The following STK32C variants were observed in gnomAD, a reference collection of about 807,000 sequenced individuals.
STK32C encodes serine/threonine kinase 32C.
A neutral mutation model predicts 56.5 loss-of-function variants in STK32C; 31 were observed. The ratio of observed to expected loss-of-function variants is 0.55; its 90% CI spans 0.41 to 0.74. The LOEUF (loss-of-function observed/expected upper bound fraction) is 0.74, where lower values mean the gene tolerates loss of function less well. STK32C is among the 30% of genes least tolerant of loss of function. The pLI, the probability that STK32C is intolerant of heterozygous loss-of-function variation, is 0.00. For missense variants in STK32C, 544 were observed against 676.9 expected, an observed-to-expected ratio of 0.80 and a Z score of 2.18; for synonymous variants, 309 against 289.4, an observed-to-expected ratio of 1.07 and a Z score of -0.69.
intron 10 of STK32C, among the ~76,000 whole-genome samples, chr10:132,210,091 C>A (rs1270185208): frequency 6.6e-6 from 1 of 152,172 alleles, no homozygotes; most frequent in Non-Finnish European, 1.5e-5. Context: ...ACGGGACCAC[C>A]CCCCCATGCG....
At chr10:132,270,982 G>A (rs2064798995) in intron 1 of STK32C, among the ~76,000 whole-genome samples, 1 of 152,188 alleles carries the variant, frequency 6.6e-6, no homozygotes, top group Admixed American at 6.5e-5. Context: ...ACCAATCAGA[G>A]GGGGTGATCT....
intron 1 of STK32C, among the ~76,000 whole-genome samples, chr10:132,249,334 A>T (rs1205307269): frequency 6.6e-6 from 1 of 152,138 alleles, no homozygotes; most frequent in African/African-American, 2.4e-5. Context: ...CAAGGAGGGC[A>T]GCCACAGGGA....
intron 1 of STK32C, among the ~76,000 whole-genome samples, chr10:132,275,551 G>A (rs979248418): frequency 2.6e-5 from 4 of 152,176 alleles, no homozygotes; most frequent in African/African-American, 7.2e-5. Flanking sequence ...CTCAGTGCCC[G>A]CTCTTCCTTC....
At chr10:132,305,701 A>C (rs942235577) in intron 1 of STK32C, among the ~76,000 whole-genome samples, 2 of 152,262 alleles carry the variant, frequency 1.3e-5, no homozygotes, top group African/African-American at 4.8e-5. Context: ...TCAGAGGTGC[A>C]GAACATTCTT....
At chr10:132,228,264 T>A in intron 2 of STK32C, 136 bp from the exon 3 acceptor site, 2 of 1,071,886 alleles carry the variant, frequency 1.9e-6, no homozygotes, top group East Asian at 2.4e-5. Context: ...CCGCAGCCCC[T>A]CTGCCTCCTA....
intron 1 of STK32C, among the ~76,000 whole-genome samples, chr10:132,328,160 C>T (rs1320177581): frequency 6.6e-6 from 1 of 152,130 alleles, no homozygotes; most frequent in Non-Finnish European, 1.5e-5. Context: ...TATTATTACT[C>T]AGTCAGTCTC....
chr10:132,272,566 C>G (rs1173332575), intron 1 of STK32C, among the ~76,000 whole-genome samples: 4 of 152,200 alleles, frequency 2.6e-5, no homozygotes, highest in Non-Finnish European at 5.9e-5. Flanking sequence ...CACCCCAGCC[C>G]GTCTGTCGGG....
chr10:132,225,171 A>G, intron 7 of STK32C, 62 bp downstream of exon 7: 1 of 1,390,234 alleles, frequency 7.2e-7, no homozygotes, highest in Non-Finnish European at 9.8e-7. Flanking sequence ...CCTCCCCAGC[A>G]CTGGTGGGGG....
chr10:132,228,174 G>A (rs1361382741), intron 2 of STK32C, 46 bp from the exon 3 acceptor site: 6 of 1,612,674 alleles, frequency 3.7e-6, no homozygotes, highest in East Asian at 4.5e-5. Flanking sequence ...GGACGCCTGG[G>A]GACACGTGGG....
At chr10:132,226,357 T>G (rs533111549) in intron 4 of STK32C, among the ~76,000 whole-genome samples, 2 of 152,378 alleles carry the variant, frequency 1.3e-5, no homozygotes, top group Non-Finnish European at 2.9e-5. Context: ...ATTTTCTTTT[T>G]TTAAATTTTA....
intron 11 of STK32C, 148 bp from the exon 12 acceptor site, chr10:132,208,299 C>A (rs1458405094): frequency 8.0e-6 from 8 of 1,000,992 alleles, no homozygotes; most frequent in Non-Finnish European, 1.0e-5. Context: ...AGAGGCCATG[C>A]TCCCGATACA....
At chr10:132,265,109 G>A (rs2064458275) in intron 1 of STK32C, among the ~76,000 whole-genome samples, 1 of 104,716 alleles carries the variant, frequency 9.5e-6, no homozygotes, top group African/African-American at 2.8e-5. Flanking sequence ...GGGCGGTGAG[G>A]TGGGCTCTGG....
chr10:132,236,483 T>C (rs1004446213), intron 2 of STK32C, among the ~76,000 whole-genome samples: 2 of 152,220 alleles, frequency 1.3e-5, no homozygotes, highest in African/African-American at 2.4e-5. Flanking sequence ...GTCTGCCACG[T>C]GTGGGCCCAG....
upstream of STK32C, among the ~76,000 whole-genome samples, chr10:132,308,269 C>A (rs1166943084): frequency 6.6e-6 from 1 of 152,128 alleles, no homozygotes; most frequent in African/African-American, 2.4e-5. Flanking sequence ...AGGCAGGGAG[C>A]GTCCCCACGG....
chr10:132,267,614 T>C (rs2064599622), intron 1 of STK32C, among the ~76,000 whole-genome samples: 1 of 147,848 alleles, frequency 6.8e-6, no homozygotes, highest in South Asian at 2.1e-4. Flanking sequence ...TGTATGCATG[T>C]TCAGCTCTAT....
At chr10:132,232,733 C>T (rs1346709498) in intron 2 of STK32C, among the ~76,000 whole-genome samples, 2 of 151,226 alleles carry the variant, frequency 1.3e-5, no homozygotes, top group African/African-American at 4.9e-5. Flanking sequence ...GAGGCCACAA[C>T]GCCACCCGGA....
At chr10:132,307,969 C>T (rs2066133370), upstream of STK32C, 4 of 970,036 alleles carry the variant, frequency 4.1e-6, no homozygotes, top group Non-Finnish European at 4.8e-6. The surrounding 1 kb of genome is among the most constrained non-coding windows in gnomAD (Gnocchi z 4.4). Flanking sequence ...GAACCCGCCC[C>T]GTAGATTGCG....
At chr10:132,289,795 T>C (rs1479703727) in intron 1 of STK32C, among the ~76,000 whole-genome samples, 1 of 152,000 alleles carries the variant, frequency 6.6e-6, no homozygotes, top group Non-Finnish European at 1.5e-5. Flanking sequence ...CCTAAGTACC[T>C]CCCAAAGGCC....
intron 1 of STK32C, among the ~76,000 whole-genome samples, chr10:132,286,431 G>A (rs910254157): frequency 1.1e-4 from 16 of 152,330 alleles, no homozygotes; most frequent in African/African-American, 3.6e-4. Flanking sequence ...CTCATTTTGT[G>A]AGGCCAGCAC....
Sources: gnomAD v4.1 joint callset for allele counts (sites outside exome capture counted in the v4.1 genomes callset) on GRCh38, gnomAD v4.1.1 for gene constraint, Gnocchi (gnomAD v3.1) non-coding constraint, MANE v1.5 for transcripts, NCBI Gene and HGNC (gene_info 2026-07-23, HGNC 2026-07-21) for gene names.